Variants in SIGLEC7 observed in about 807,000 individuals in gnomAD.
SIGLEC7 encodes the protein sialic acid binding Ig like lectin 7.
Under a neutral mutation model 40.8 loss-of-function variants are expected in SIGLEC7, and 33 were observed. The ratio of observed to expected loss-of-function variants is 0.81; its 90% CI spans 0.61 to 1.08. The LOEUF is 1.08. Ranked by LOEUF, SIGLEC7 falls within the 50% of genes least tolerant of loss-of-function variation. The pLI, the probability that SIGLEC7 is intolerant of heterozygous loss-of-function variation, is 0.00. For missense variants in SIGLEC7, 513 were observed against 576.1 expected (o/e 0.89, Z 1.12); for synonymous variants, 242 against 237.6 (o/e 1.02, Z -0.17).
intron 6 of SIGLEC7, 156 bp from the exon 7 acceptor site, chr19:51,152,907 T>C (rs1367378693): frequency 3.4e-5 from 17 of 506,688 alleles, no homozygotes; most frequent in Non-Finnish European, 5.8e-5. Flanking sequence ...GAGATTTCTA[T>C]AAAATGAACG....
chr19:51,145,902 C>T lies in SIGLEC7; in HGVS notation c.808C>T (p.Gln270Ter). The T allele has an allele frequency of 6.2e-7, 1 of 1,614,216 alleles. No homozygotes were observed. The highest frequency in any genetic ancestry group is 1.1e-5 in the South Asian group (1 of 91,088). Residue 270 changes from glutamine (Q) to a stop codon, truncating the protein, a stop_gained, in exon 4 of 7, where the codon CAG (glutamine) becomes TAG (stop). Coordinates refer to ENST00000317643, the MANE Select transcript of SIGLEC7 (RefSeq NM_014385.4). LOFTEE classifies it high-confidence loss of function. This position sits in a 1 kb window ranked among gnomAD's most constrained non-coding sequence, Gnocchi z 4.3. ...CTCATCTCTTTCAGTCCTAGAGGGCCAGTCTCTGCGCTTGGTCTGTGCTGT... is the reference window on the plus strand; with the variant it reads ...CTCATCTCTTTCAGTCCTAGAGGGCTAGTCTCTGCGCTTGGTCTGTGCTGT... ...NSSSLSVLEG[Q>*]SLRLVCAVDS...
At chr19:51,148,725 A>C (rs2122908865) in intron 6 of SIGLEC7, among the ~76,000 whole-genome samples, 1 of 152,344 alleles carries the variant, frequency 6.6e-6, no homozygotes, top group South Asian at 2.1e-4. Flanking sequence ...TGCTATGTCA[A>C]ATGATAGTTC....
At chr19:51,147,003 C>T (rs1181159089) in intron 5 of SIGLEC7, 153 bp downstream of exon 5, 5 of 1,003,032 alleles carry the variant, frequency 5.0e-6, no homozygotes, top group Non-Finnish European at 7.3e-6. Context: ...CAAGAGCGCC[C>T]TTGTCTGTGG....
intron 6 of SIGLEC7, 131 bp from the exon 7 acceptor site, chr19:51,152,932 G>A: frequency 5.0e-6 from 3 of 597,296 alleles, no homozygotes; most frequent in Non-Finnish European, 8.1e-6. Flanking sequence ...ATAGAGGCAG[G>A]AACTCATGAA....
intron 1 of SIGLEC7, 131 bp from the exon 2 acceptor site, chr19:51,144,275 C>T (rs781438809): frequency 4.2e-5 from 62 of 1,478,110 alleles, no homozygotes; most frequent in Non-Finnish European, 5.4e-5. Context: ...GGGATGGGGC[C>T]CCTGCCCTGG....
intron 1 of SIGLEC7, chr19:51,144,087 G>C (rs1050855193): frequency 3.1e-6 from 2 of 645,638 alleles, no homozygotes; most frequent in Non-Finnish European, 6.0e-6. Context: ...ACCAACAACT[G>C]CTCCCTGAGC....
At chr19:51,149,316 G>A (rs915261615) in intron 6 of SIGLEC7, among the ~76,000 whole-genome samples, 23 of 152,250 alleles carry the variant, frequency 1.5e-4, no homozygotes, top group African/African-American at 5.5e-4. Flanking sequence ...AACCCATCTC[G>A]AGTTGATTTT....
Position 51,142,953 on chromosome 19 carries a change from C to T in SIGLEC7, c.433+151C>T. The T allele has an allele frequency of 1.2e-6, 1 of 860,308 alleles. No individual in the cohort carries two copies. The highest frequency in any genetic ancestry group is 1.8e-6 in the Non-Finnish European group (1 of 548,796). 53.3% of individuals were successfully genotyped at this position (860,308 alleles called of 1,614,324 possible). ...AGCCTGAGCTTCCCCAGGACCGCAC[C>T]TTGGATGCCCCTCCTGATCCTGCAG... On this transcript the variant is annotated intron_variant, in intron 1 of 6. Transcript: ENST00000317643. This position sits in a 1 kb window ranked among gnomAD's most constrained non-coding sequence, Gnocchi z 5.0.
chr19:51,146,908 G>A, intron 5 of SIGLEC7, 58 bp downstream of exon 5: 1 of 1,533,480 alleles, frequency 6.5e-7, no homozygotes, highest in Non-Finnish European at 9.0e-7. Flanking sequence ...ACTGGGAGCA[G>A]GATCCCTGAA....
At position 51,144,256 on chromosome 19, in the gene SIGLEC7, C is replaced by T. The variant is rs1220257820; in HGVS notation, c.434-150C>T. 1.3e-5 allele frequency: 17 copies of T among 1,281,706 alleles called. No individual in the cohort carries two copies. The East Asian group carries it at 1.4e-4, about 11-fold the overall frequency. 79.4% of individuals were successfully genotyped at this position (1,281,706 alleles called of 1,614,324 possible). A position where few individuals can be genotyped will look rare whatever the true frequency, so the allele number is the denominator to read the frequency against. On this transcript the variant is annotated intron_variant, in intron 1 of 6. Transcript: ENST00000317643. The stretch of plus-strand genomic sequence containing the variant: ...CAGGGAAAGGTCATGGGGGTGGCAG[C>T]GAAAGCCTGGGATGGGGCCCCTGCC...
chr19:51,143,402 A>G (rs2092083226), intron 1 of SIGLEC7, among the ~76,000 whole-genome samples: 1 of 152,102 alleles, frequency 6.6e-6, no homozygotes, highest in Admixed American at 6.5e-5. Context: ...TTAGATGCTC[A>G]AAAGACAGGA....
intron 1 of SIGLEC7, 193 bp from the exon 2 acceptor site, chr19:51,144,213 A>T: frequency 1.2e-6 from 1 of 819,396 alleles, no homozygotes; most frequent in Non-Finnish European, 2.0e-6. Context: ...GATAAGGCAC[A>T]GGCTCCAGGA....
rs369574865 is a variant in SIGLEC7, at chr19:51,142,436, C to T, written c.67C>T (p.Arg23Trp). Residue 23 changes from arginine (R) to tryptophan (W), a missense_variant, in exon 1 of 7, where the codon CGG (arginine) becomes TGG (tryptophan). By Grantham distance (101) the Arg-to-Trp change is moderately radical (BLOSUM62 -3). Coordinates refer to ENST00000317643, the MANE Select transcript of SIGLEC7 (RefSeq NM_014385.4). The surrounding 1 kb of genome is among the most constrained non-coding windows in gnomAD (Gnocchi z 5.0). ...RERVEGQKSN[R>W]KDYSLTMQSS... ...GAGGGTGGAAGGACAGAAGAGTAACCGGAAGGATTACTCGCTGACGATGCA... is the reference window on the plus strand; with the variant it reads ...GAGGGTGGAAGGACAGAAGAGTAACTGGAAGGATTACTCGCTGACGATGCA... The T allele has an allele frequency of 2.0e-5, 33 of 1,613,986 alleles. No individual in the cohort carries two copies. The African/African-American group carries it at 2.1e-4, about 10-fold the overall frequency.
At chr19:51,147,043 C>A in intron 5 of SIGLEC7, 178 bp from the exon 6 acceptor site, 1 of 1,103,442 alleles carries the variant, frequency 9.1e-7, no homozygotes. Context: ...ACCTTGGGCC[C>A]CACCACCCAG....
chr19:51,146,232 G>C (rs1377403795), intron 4 of SIGLEC7, 111 bp downstream of exon 4: 6 of 1,432,732 alleles, frequency 4.2e-6, no homozygotes, highest in Non-Finnish European at 3.8e-6. Flanking sequence ...GCTCAGCTGT[G>C]AGGCCTGGAA....
Position 51,144,955 on chromosome 19 carries a change from C to A in SIGLEC7, c.756C>A (p.Gly252=). Residue 252 remains glycine (G), a synonymous_variant, in exon 3 of 7, where the codon GGC becomes GGA. Transcript: ENST00000317643. ...NLTVTVFQGE[G]TASTALGNSS... ...CTGTGACTGTCTTCCAAGGAGAAGGCACAGGTAGGATGGAGCCCCCTCCCT... is the reference window on the plus strand; with the variant it reads ...CTGTGACTGTCTTCCAAGGAGAAGGAACAGGTAGGATGGAGCCCCCTCCCT... The A allele has an allele frequency of 3.1e-6, 5 of 1,614,052 alleles. No individual in the cohort carries two copies. Among genetic ancestry groups the A allele is most frequent in the Non-Finnish European group, 4.2e-6 (5 of 1,179,942 alleles).
At chr19:51,150,350 C>T (rs953049111) in intron 6 of SIGLEC7, among the ~76,000 whole-genome samples, 6 of 152,164 alleles carry the variant, frequency 3.9e-5, no homozygotes, top group African/African-American at 1.4e-4. Flanking sequence ...GAGTTTTTAA[C>T]ACGAAGCGAT....
intron 4 of SIGLEC7, among the ~76,000 whole-genome samples, 192 bp downstream of exon 4, chr19:51,146,313 G>A (rs1357945414): frequency 2.0e-5 from 3 of 152,126 alleles, no homozygotes; most frequent in Admixed American, 6.5e-5. Flanking sequence ...AAGAGGGGAG[G>A]AGTGGGTCTT....
At chr19:51,152,479 C>T (rs1283825191) in intron 6 of SIGLEC7, among the ~76,000 whole-genome samples, 2 of 152,228 alleles carry the variant, frequency 1.3e-5, no homozygotes, top group African/African-American at 4.8e-5. Context: ...CCTCCCCATA[C>T]CACCGAACTG....
Sources: allele counts gnomAD v4.1 joint callset (sites outside exome capture counted in the v4.1 genomes callset), GRCh38; gene constraint gnomAD v4.1.1; non-coding constraint Gnocchi (gnomAD v3.1); transcripts MANE v1.5; gene names NCBI Gene and HGNC (gene_info 2026-07-23, HGNC 2026-07-21).